Variants in GHR observed in about 807,000 individuals in gnomAD.
GHR encodes GH receptor.
GHR carries 35 observed loss-of-function variants against 67.1 expected under a neutral mutation model. That is an observed-to-expected ratio of 0.52 (90% confidence interval 0.40 to 0.69). The LOEUF is 0.69. GHR is among the 30% of genes least tolerant of loss of function. The pLI is 0.00. For synonymous variants in GHR, 272 were observed against 269.1 expected (o/e 1.01, Z -0.10); for missense variants, 792 against 764.6 (o/e 1.04, Z -0.42).
intron 3 of GHR, among the ~76,000 whole-genome samples, chr5:42,672,778 G>A (rs1355795206): frequency 1.3e-5 from 2 of 151,908 alleles, no homozygotes; most frequent in Non-Finnish European, 2.9e-5. Context: ...CAAACTATAA[G>A]AATGTAATAT....
At chr5:42,506,838 C>A (rs570459845) in intron 1 of GHR, among the ~76,000 whole-genome samples, 1 of 152,280 alleles carries the variant, frequency 6.6e-6, no homozygotes, top group African/African-American at 2.4e-5. Context: ...TCCTGAAAGT[C>A]TGGGTCATTA....
chr5:42,640,362 T>G (rs1236598166), intron 3 of GHR, among the ~76,000 whole-genome samples: 2 of 152,132 alleles, frequency 1.3e-5, no homozygotes, highest in Non-Finnish European at 2.9e-5. Context: ...AGGGTCATTG[T>G]GAGGAGCGAG....
At chr5:42,485,374 G>A (rs143800032) in intron 1 of GHR, among the ~76,000 whole-genome samples, 31 of 152,234 alleles carry the variant, frequency 2.0e-4, no homozygotes, top group African/African-American at 7.2e-4. Context: ...TGCTCTCTAA[G>A]CATTAATACC....
chr5:42,720,528 G>A lies in GHR; in HGVS notation c.*1104G>A, dbSNP rs1199303177. ...TTTGCTACATAATTATCCAGGAAGG[G>A]AATAAGGTACAAGAAGCATTTTGTA... On this transcript the variant is annotated 3_prime_UTR_variant, in exon 10 of 10. Transcript: ENST00000230882. The A allele has an allele frequency of 2.0e-5, 3 of 152,176 alleles. No homozygotes were observed. Among genetic ancestry groups the A allele is most frequent in the African/African-American group, 2.4e-5 (1 of 41,438 alleles). The allele number at this position is 152,176 out of a possible 1,614,324, so 9.4% of individuals were successfully genotyped here. A position where few individuals can be genotyped will look rare whatever the true frequency, so the allele number is the denominator to read the frequency against.
rs10716908 is a variant in GHR, at chr5:42,588,526, C to CAAAAAAAAAAAAAAAAAAAAAAAAA, written c.70+22583_70+22607dup. Among the ~76,000 whole-genome samples the CAAAAAAAAAAAAAAAAAAAAAAAAA allele has an allele frequency of 4.0e-4, 18 of 45,120 alleles. 1 individual carries two copies. The highest frequency in any genetic ancestry group is 1.1e-3 in the South Asian group (1 of 876). 29.6% of individuals were successfully genotyped at this position (45,120 alleles called of 152,430 possible). ...GGGCAGCAAAAGCGAAACTCCATCT[C>CAAAAAAAAAAAAAAAAAAAAAAAAA]AAAAAAAAAAAAAAAAAAAAAAAAA... On this transcript the variant is annotated intron_variant, in intron 2 of 9. Transcript: ENST00000230882.
At chr5:42,669,465 G>C (rs915711340) in intron 3 of GHR, among the ~76,000 whole-genome samples, 2 of 152,182 alleles carry the variant, frequency 1.3e-5, no homozygotes, top group Non-Finnish European at 2.9e-5. Flanking sequence ...ATTAGCTTCA[G>C]ATATTTCAGT....
intron 1 of GHR, among the ~76,000 whole-genome samples, chr5:42,499,034 G>A (rs1040301639): frequency 2.0e-5 from 3 of 152,222 alleles, no homozygotes; most frequent in Non-Finnish European, 4.4e-5. Flanking sequence ...AGAGGTAACA[G>A]ATGGAATGAT....
In GHR at chr5:42,565,920, A is replaced by G. The variant is rs547124461; in HGVS notation, c.46A>G (p.Ser16Gly). 8.7e-6 allele frequency: 14 copies of G among 1,614,126 alleles called. No homozygotes were observed. The South Asian group carries it at 1.3e-4, about 15-fold the overall frequency. ...LLLTLALAGS[S>G]DAFSGSEATA... is the part of the protein sequence containing the mutation. ...GTTGACCTTGGCACTGGCAGGATCA[A>G]GTGATGCTTTTTCTGGAAGTGAGGG... The change falls in exon 2 of 10, where the codon AGT (serine) becomes GGT (glycine). Residue 16 changes from serine to glycine, a missense_variant. By Grantham distance (56) the Ser-to-Gly change is moderately conservative. Transcript: ENST00000230882.
intron 1 of GHR, among the ~76,000 whole-genome samples, chr5:42,453,148 T>C (rs1368009731): frequency 6.6e-6 from 1 of 152,130 alleles, no homozygotes; most frequent in African/African-American, 2.4e-5. Context: ...GGGTGAAGAC[T>C]CTGTACGAGA....
intron 1 of GHR, among the ~76,000 whole-genome samples, chr5:42,452,144 C>T (rs1744077350): frequency 6.6e-6 from 1 of 152,142 alleles, no homozygotes; most frequent in Non-Finnish European, 1.5e-5. Flanking sequence ...AAGACTATCT[C>T]TCCTTCATAT....
chr5:42,439,590 T>C (rs1048259819), intron 1 of GHR, among the ~76,000 whole-genome samples: 2 of 152,236 alleles, frequency 1.3e-5, no homozygotes, highest in African/African-American at 2.4e-5. Context: ...TGTAAATTTA[T>C]CTAAAGATGG....
At chr5:42,637,672 C>T (rs529782160) in intron 3 of GHR, among the ~76,000 whole-genome samples, 8 of 152,224 alleles carry the variant, frequency 5.3e-5, no homozygotes, top group Admixed American at 3.9e-4. Context: ...TCATGGTATA[C>T]GTGTACCACA....
intron 2 of GHR, among the ~76,000 whole-genome samples, chr5:42,582,624 G>A (rs528054722): frequency 2.6e-5 from 4 of 152,200 alleles, no homozygotes; most frequent in Non-Finnish European, 2.9e-5. Context: ...CACGAACAGG[G>A]CTGAGACATG....
intron 3 of GHR, among the ~76,000 whole-genome samples, chr5:42,683,642 A>G (rs923154228): frequency 5.5e-5 from 8 of 144,182 alleles, no homozygotes; most frequent in African/African-American, 9.7e-5. Flanking sequence ...CATAAAATTT[A>G]AAAAAGCCGG....
At chr5:42,574,634 C>T (rs1750543556) in intron 2 of GHR, among the ~76,000 whole-genome samples, 1 of 152,064 alleles carries the variant, frequency 6.6e-6, no homozygotes, top group Non-Finnish European at 1.5e-5. Flanking sequence ...TGTCTTACTT[C>T]TATATTTGAT....
chr5:42,688,454 AG>A (rs762293899), intron 3 of GHR, among the ~76,000 whole-genome samples: 4 of 152,180 alleles, frequency 2.6e-5, no homozygotes, highest in Non-Finnish European at 5.9e-5. Context: ...AGCTTCTCAA[AG>A]GAGCCTCAGA....
At chr5:42,656,116 A>G (rs1330325510) in intron 3 of GHR, among the ~76,000 whole-genome samples, 3 of 152,136 alleles carry the variant, frequency 2.0e-5, no homozygotes, top group Non-Finnish European at 4.4e-5. Context: ...ATGTTACATG[A>G]AGAGGTAACT....
intron 1 of GHR, among the ~76,000 whole-genome samples, chr5:42,524,617 G>A (rs1028625396): frequency 6.6e-6 from 1 of 152,208 alleles, no homozygotes; most frequent in Non-Finnish European, 1.5e-5. Context: ...GTAGCAAGGA[G>A]CCTAATGTTA....
intron 2 of GHR, among the ~76,000 whole-genome samples, chr5:42,618,079 G>T (rs551112183): frequency 1.3e-5 from 2 of 151,926 alleles, no homozygotes; most frequent in African/African-American, 4.8e-5. Flanking sequence ...ACTTCAGAAG[G>T]CACAACAAAA....
Sources: gnomAD v4.1 joint callset for allele counts (sites outside exome capture counted in the v4.1 genomes callset) on GRCh38, gnomAD v4.1.1 for gene constraint, MANE v1.5 for transcripts, NCBI Gene and HGNC (gene_info 2026-07-23, HGNC 2026-07-21) for gene names.